ABI3BP: variants seen among roughly 807,000 people sequenced by gnomAD.
ABI3BP encodes the protein target of Nesh-SH3.
A neutral mutation model predicts 268.6 loss-of-function variants in ABI3BP; 216 were observed. The ratio of observed to expected loss-of-function variants is 0.80; its 90% CI spans 0.72 to 0.90. ABI3BP has a LOEUF of 0.90. Ranked by LOEUF, ABI3BP falls within the 40% of genes least tolerant of loss-of-function variation. The probability of loss-of-function intolerance (pLI) is 0.00; values close to 1 mark genes in which losing one functional copy is unlikely to be tolerated. For synonymous variants in ABI3BP, 730 were observed against 730.0 expected, an observed-to-expected ratio of 1.00 and a Z score of 0.00; for missense variants, 2,090 against 2,182.4, an observed-to-expected ratio of 0.96 and a Z score of 0.84.
intron 29 of ABI3BP, 144 bp from the exon 30 acceptor site, chr3:100,833,301 G>GT (rs1284541520): frequency 1.4e-6 from 1 of 700,436 alleles, no homozygotes; most frequent in African/African-American, 1.8e-5. Flanking sequence ...AAGTTCTCAA[G>GT]TGAGGGTACA....
At chr3:100,822,414 A>G (rs1218225094) in intron 38 of ABI3BP, among the ~76,000 whole-genome samples, 175 bp downstream of exon 38, 1 of 152,246 alleles carries the variant, frequency 6.6e-6, no homozygotes, top group African/African-American at 2.4e-5. Context: ...CAGTTGCTCC[A>G]CAGATCTCCT....
At chr3:100,817,941 CTG>C (rs1361096517) in intron 41 of ABI3BP, among the ~76,000 whole-genome samples, 1 of 152,158 alleles carries the variant, frequency 6.6e-6, no homozygotes, top group African/African-American at 2.4e-5. Context: ...AATTAATAAA[CTG>C]TGCTTATCAA....
Position 100,750,226 on chromosome 3 carries a change from A to C in ABI3BP, c.*269T>G, listed in dbSNP as rs955638022. 3.3e-5 allele frequency: 10 copies of C among 302,870 alleles called. No homozygotes were observed. The highest frequency in any genetic ancestry group is 6.0e-6 in the Non-Finnish European group (1 of 165,376). 18.8% of individuals were successfully genotyped at this position (302,870 alleles called of 1,614,324 possible). On this transcript the variant is annotated 3_prime_UTR_variant, in exon 68 of 68. Transcript: ENST00000471714. ...ACAACAGTGTGATAAATAATATACA[A>C]ATGATCTCTTAAAATACCATGAATA...
intron 14 of ABI3BP, among the ~76,000 whole-genome samples, chr3:100,860,758 A>C (rs1242884632): frequency 1.3e-5 from 2 of 152,210 alleles, no homozygotes. Context: ...AAGAAAACCC[A>C]AAAGAACCCC....
At chr3:100,849,385 G>A (rs113258919) in intron 17 of ABI3BP, among the ~76,000 whole-genome samples, 5,500 of 151,884 alleles carry the variant, frequency 0.036, 153 homozygotes, top group Non-Finnish European at 0.05. Context: ...CATGACGTCC[G>A]GCTAATTTTT....
intron 1 of ABI3BP, among the ~76,000 whole-genome samples, chr3:100,942,241 G>T (rs2153717694): frequency 6.6e-6 from 1 of 152,104 alleles, no homozygotes; most frequent in Middle Eastern, 3.4e-3. Context: ...ATGATTAGCA[G>T]AATTAGTAAA....
In ABI3BP at chr3:100,808,258, G is replaced by A. The variant is rs752228002; in HGVS notation, c.3608-23C>T. The A allele has an allele frequency of 3.0e-5, 48 of 1,578,712 alleles. 1 individual carries two copies. The highest frequency in any genetic ancestry group is 3.8e-5 in the Non-Finnish European group (44 of 1,160,896). ...GAGCTAAAAGAAAGGATATAGGTTC[G>A]GAAATCTTGAGCCCTTCAAGAATGA... On this transcript the variant is annotated intron_variant, in intron 49 of 67. Coordinates refer to ENST00000471714, the MANE Select transcript of ABI3BP (RefSeq NM_001375547.2).
Position 100,813,578 on chromosome 3 carries a change from A to C in ABI3BP, c.3364+83T>G, listed in dbSNP as rs980164784. ...AATGTATATTCCTTTTTCATTTTTT[A>C]TCTTTGGAAATATAACTTAGAGAAT... On this transcript the variant is annotated intron_variant, in intron 45 of 67. Coordinates refer to ENST00000471714, the MANE Select transcript of ABI3BP (RefSeq NM_001375547.2). 11 of 1,105,744 alleles carry C rather than the reference A, an allele frequency of 9.9e-6. No homozygotes were observed. The African/African-American group carries it at 1.7e-4, about 17-fold the overall frequency. The allele number at this position is 1,105,744 out of a possible 1,614,324, so 68.5% of individuals were successfully genotyped here.
In ABI3BP at chr3:100,874,743, C is replaced by T. The variant is rs2099143523; in HGVS notation, c.910+98G>A. The T allele has an allele frequency of 4.4e-6, 3 of 686,500 alleles. No individual in the cohort carries two copies. In the South Asian group the frequency reaches 7.4e-5, roughly 17 times the overall value. The allele number at this position is 686,500 out of a possible 1,614,324, so 42.5% of individuals were successfully genotyped here. ...GCCTCTACTTTTTTACTTTGAGATC[C>T]TCAAACAGCTCATTAGCAAGATTCT... On this transcript the variant is annotated intron_variant, in intron 9 of 67. Transcript: ENST00000471714.
Position 100,851,728 on chromosome 3 carries a change from T to C in ABI3BP, c.1351+147A>G, listed in dbSNP as rs2098841613. 6.2e-6 allele frequency: 4 copies of C among 641,242 alleles called. 1 individual carries two copies. The South Asian group carries it at 8.5e-5, about 14-fold the overall frequency. 39.7% of individuals were successfully genotyped at this position (641,242 alleles called of 1,614,324 possible). On this transcript the variant is annotated intron_variant, in intron 15 of 67. Coordinates refer to ENST00000471714, the MANE Select transcript of ABI3BP (RefSeq NM_001375547.2). The stretch of plus-strand genomic sequence containing the variant: ...CTAATCACTCTATGGGAGGAGTGGG[T>C]AAAACACAACTCCCTGACACAGGTA...
chr3:100,959,347 G>A (rs1299148740), intron 1 of ABI3BP, among the ~76,000 whole-genome samples: 10 of 151,138 alleles, frequency 6.6e-5, no homozygotes, highest in East Asian at 3.9e-4. Context: ...AAAATTAGCC[G>A]GGCGTGGTAG....
At chr3:100,963,335 T>C (rs1303104033) in intron 1 of ABI3BP, among the ~76,000 whole-genome samples, 1 of 152,138 alleles carries the variant, frequency 6.6e-6, no homozygotes, top group Non-Finnish European at 1.5e-5. Flanking sequence ...AACCCAGGAG[T>C]CATTTTTGAT....
intron 61 of ABI3BP, among the ~76,000 whole-genome samples, chr3:100,773,630 C>G (rs1361218709): frequency 6.6e-6 from 1 of 152,112 alleles, no homozygotes; most frequent in Non-Finnish European, 1.5e-5. Context: ...TATGGCTATA[C>G]AAAGACATGT....
rs1047811010 is a variant in ABI3BP at position 100,833,277 on chromosome 3, A to G, written c.2282-120T>C. 8 of 883,428 alleles carry G rather than the reference A, an allele frequency of 9.1e-6. No homozygotes were observed. The South Asian group carries it at 1.3e-4, about 14-fold the overall frequency. The allele number at this position is 883,428 out of a possible 1,614,324, so 54.7% of individuals were successfully genotyped here. A position where few individuals can be genotyped will look rare whatever the true frequency, so the allele number is the denominator to read the frequency against. On this transcript the variant is annotated intron_variant, in intron 29 of 67. Transcript: ENST00000471714. ...TTATAGCGTTGGTTCTATAGCCACA[A>G]AGCAAACATTTTGAAGTTCTCAAGT...
At chr3:100,952,913 T>C (rs1232457987) in intron 1 of ABI3BP, among the ~76,000 whole-genome samples, 1 of 152,216 alleles carries the variant, frequency 6.6e-6, no homozygotes, top group Non-Finnish European at 1.5e-5. Flanking sequence ...TCTTTCCTTT[T>C]ATTTCTATAA....
At chr3:100,859,958 G>T (rs2098980021) in intron 14 of ABI3BP, among the ~76,000 whole-genome samples, 1 of 152,164 alleles carries the variant, frequency 6.6e-6, no homozygotes, top group South Asian at 2.1e-4. Flanking sequence ...TGTAGTCTCA[G>T]CTACTCAGGA....
At chr3:100,984,357 G>A (rs2153969691) in intron 1 of ABI3BP, among the ~76,000 whole-genome samples, 1 of 152,306 alleles carries the variant, frequency 6.6e-6, no homozygotes, top group South Asian at 2.1e-4. Context: ...TGTCATAGGT[G>A]AGATGTGACT....
chr3:100,992,660 T>A (rs2093134454), intron 1 of ABI3BP, among the ~76,000 whole-genome samples: 1 of 152,206 alleles, frequency 6.6e-6, no homozygotes, highest in Non-Finnish European at 1.5e-5. Context: ...AGGGTCAAAA[T>A]TTAGAAATTT....
At chr3:100,796,609 T>C (rs2097353247) in intron 51 of ABI3BP, 141 bp from the exon 52 acceptor site, 1 of 544,288 alleles carries the variant, frequency 1.8e-6, no homozygotes, top group Non-Finnish European at 3.1e-6. Context: ...GTTGAGAAGA[T>C]GCCTGTTTTC....
Sources: allele counts gnomAD v4.1 joint callset (sites outside exome capture counted in the v4.1 genomes callset), GRCh38; gene constraint gnomAD v4.1.1; transcripts MANE v1.5; gene names NCBI Gene and HGNC (gene_info 2026-07-23, HGNC 2026-07-21).